Variants in FYB1 observed in about 807,000 individuals in gnomAD.
FYB1 encodes FYN binding protein 1, also known as FYN-binding protein 1.
Under a neutral mutation model 94.1 loss-of-function variants are expected in FYB1, and 41 were observed. That is an observed-to-expected ratio of 0.44 (90% CI 0.34 to 0.57). The LOEUF (loss-of-function observed/expected upper bound fraction) is 0.57. Among genes scored for constraint, FYB1 ranks in the 20% least tolerant of loss-of-function variants. FYB1 has a pLI of 0.02. For synonymous variants in FYB1, 367 were observed against 353.2 expected (o/e 1.04, Z -0.44); for missense variants, 1,050 against 976.8 (o/e 1.07, Z -1.00).
chr5:39,209,903 G>C (rs1189511445), intron 1 of FYB1, among the ~76,000 whole-genome samples: 1 of 152,260 alleles, frequency 6.6e-6, no homozygotes, highest in Non-Finnish European at 1.5e-5. Context: ...ACCTGCAGTT[G>C]TGATTTAAGC....
intron 2 of FYB1, among the ~76,000 whole-genome samples, chr5:39,198,212 A>G (rs1408993039): frequency 6.6e-6 from 1 of 152,174 alleles, no homozygotes; most frequent in Non-Finnish European, 1.5e-5. Flanking sequence ...GAAGAAAGAC[A>G]TACACGGAAA....
chr5:39,216,270 A>G (rs1749861389), intron 1 of FYB1, among the ~76,000 whole-genome samples: 1 of 152,232 alleles, frequency 6.6e-6, no homozygotes, highest in Admixed American at 6.5e-5. Flanking sequence ...GTGTGTGTAT[A>G]ATACGATTTT....
chr5:39,151,436 T>C (rs189419130), intron 3 of FYB1, among the ~76,000 whole-genome samples: 2 of 152,194 alleles, frequency 1.3e-5, no homozygotes, highest in Admixed American at 6.5e-5. Flanking sequence ...TCTACAGGCA[T>C]GCACCATCAT....
At chr5:39,225,964 C>T (rs1750454162) in intron 1 of FYB1, among the ~76,000 whole-genome samples, 2 of 94,050 alleles carry the variant, frequency 2.1e-5, no homozygotes, top group South Asian at 4.0e-4. Context: ...TGATCCAAGG[C>T]TTATTTCGTC....
At chr5:39,108,333 A>G in intron 17 of FYB1, 71 bp from the exon 18 acceptor site, 1 of 1,287,768 alleles carries the variant, frequency 7.8e-7, no homozygotes, top group South Asian at 1.4e-5. Flanking sequence ...ATATAGAAGA[A>G]TAGAGTAACA....
intron 2 of FYB1, among the ~76,000 whole-genome samples, chr5:39,180,033 C>T (rs1746075240): frequency 6.6e-6 from 1 of 152,074 alleles, no homozygotes; most frequent in African/African-American, 2.4e-5. Flanking sequence ...ATGTAAGTGC[C>T]CATTTTTCTG....
intron 14 of FYB1, among the ~76,000 whole-genome samples, chr5:39,122,118 A>T (rs1462113843): frequency 6.6e-6 from 1 of 151,882 alleles, no homozygotes; most frequent in Non-Finnish European, 1.5e-5. Flanking sequence ...GAGGGGAGGA[A>T]GGGGTGGAGG....
At chr5:39,153,666 T>G in intron 2 of FYB1, 62 bp from the exon 3 acceptor site, 1 of 1,493,590 alleles carries the variant, frequency 6.7e-7, no homozygotes, top group Non-Finnish European at 9.1e-7. Context: ...AGATTGTTAA[T>G]TGCAAACATA....
chr5:39,186,344 AACCTGGGAAG>A (rs1746793034), intron 2 of FYB1, among the ~76,000 whole-genome samples: 1 of 152,180 alleles, frequency 6.6e-6, no homozygotes, highest in Non-Finnish European at 1.5e-5. Flanking sequence ...GAATCACTTG[AACCTGGGAAG>A]CAGAGGTTGC....
intron 1 of FYB1, among the ~76,000 whole-genome samples, chr5:39,248,238 A>T (rs155078): frequency 0.83 from 125,792 of 152,198 alleles, 52,034 homozygotes; most frequent in East Asian, 0.85. Context: ...GGCACTGGAT[A>T]AGGAGCTTTT....
intron 3 of FYB1, 50 bp downstream of exon 3, chr5:39,153,398 A>C: frequency 1.2e-6 from 2 of 1,600,626 alleles, no homozygotes; most frequent in Non-Finnish European, 1.7e-6. Context: ...CAGTTTGAAA[A>C]TCTACGGCAA....
Position 39,202,727 on chromosome 5 carries a change from G to T in FYB1, c.234C>A (p.Pro78=). The T allele has an allele frequency of 6.2e-7, 1 of 1,613,930 alleles. No individual in the cohort carries two copies. The highest frequency in any genetic ancestry group is 1.3e-5 in the African/African-American group (1 of 75,046). Residue 78 remains proline, a synonymous_variant, in exon 2 of 19, where the codon CCC becomes CCA. Coordinates refer to ENST00000512982, the MANE Select transcript of FYB1 (RefSeq NM_001465.6). ...CAGTGGGCTTTAGAAACGGGGGCTT[G>T]GGTTCCTTGTCAGGCTTTTCCTCAG... ...PSSEEKPDKE[P]KPPFLKPTGA... is the part of the protein sequence containing the mutation.
In FYB1 at chr5:39,147,836, A is replaced by G. The variant is rs1275800488; in HGVS notation, c.1292+5612T>C. Among the ~76,000 whole-genome samples, 6 of 148,632 alleles carry G rather than the reference A, an allele frequency of 4.0e-5. No homozygotes were observed. In the East Asian group the frequency reaches 1.0e-3, roughly 25 times the overall value. ...GCTGGGACTGCAGGCGCCCGCCACC[A>G]CGCCCGGCTAATTTTTTGTATTTTT... On this transcript the variant is annotated intron_variant, in intron 3 of 18. Transcript: ENST00000512982.
At chr5:39,193,090 A>T (rs1747511345) in intron 2 of FYB1, among the ~76,000 whole-genome samples, 1 of 151,990 alleles carries the variant, frequency 6.6e-6, no homozygotes, top group East Asian at 1.9e-4. Context: ...CCCATACCCC[A>T]CTGGGATCAT....
chr5:39,222,992 T>C (rs1434646246), upstream of FYB1, among the ~76,000 whole-genome samples: 2 of 151,902 alleles, frequency 1.3e-5, no homozygotes, highest in African/African-American at 2.4e-5. Flanking sequence ...TCAGGAAAAA[T>C]AGCTAATGCA....
At chr5:39,220,681 G>A (rs145909179), upstream of FYB1, among the ~76,000 whole-genome samples, 65 of 152,250 alleles carry the variant, frequency 4.3e-4, no homozygotes, top group East Asian at 0.01. Context: ...CTAGAAAGAT[G>A]GAGAAGACAA....
chr5:39,182,546 TAGTA>T (rs1314541698), intron 2 of FYB1, among the ~76,000 whole-genome samples: 1 of 152,176 alleles, frequency 6.6e-6, no homozygotes, highest in African/African-American at 2.4e-5. Context: ...TTAGCTGGGT[TAGTA>T]AGTGTGACCC....
chr5:39,169,882 G>A (rs1745091231), intron 2 of FYB1: 1 of 581,488 alleles, frequency 1.7e-6, no homozygotes, highest in Non-Finnish European at 3.3e-6. Context: ...CTGAAAGACA[G>A]GTGTCTTTCC....
At chr5:39,147,368 C>T (rs1387258424) in intron 3 of FYB1, among the ~76,000 whole-genome samples, 1 of 151,368 alleles carries the variant, frequency 6.6e-6, no homozygotes, top group Non-Finnish European at 1.5e-5. Context: ...CTCTCAGGCT[C>T]GGGGATCCTC....
Sources: gnomAD v4.1 joint callset for allele counts (sites outside exome capture counted in the v4.1 genomes callset) on GRCh38, gnomAD v4.1.1 for gene constraint, MANE v1.5 for transcripts, NCBI Gene and HGNC (gene_info 2026-07-23, HGNC 2026-07-21) for gene names.